PDLIM4: variants seen among roughly 807,000 people sequenced by gnomAD.
The protein encoded by PDLIM4 is PDZ and LIM domain 4, also known as PDZ and LIM domain protein 4.
In PDLIM4, 19 loss-of-function variants were observed where a neutral mutation model predicts 31.3. That is an observed-to-expected ratio of 0.61 (90% CI 0.42 to 0.89). The LOEUF is 0.89. Ranked by LOEUF, PDLIM4 falls within the 40% of genes least tolerant of loss-of-function variation. The pLI, the probability that PDLIM4 is intolerant of heterozygous loss-of-function variation, is 0.00. For synonymous variants in PDLIM4, 176 were observed against 190.1 expected, an observed-to-expected ratio of 0.93 and a Z score of 0.61; for missense variants, 442 against 461.1, an observed-to-expected ratio of 0.96 and a Z score of 0.38.
intron 3 of PDLIM4, among the ~76,000 whole-genome samples, chr5:132,269,214 G>A (rs909238477): frequency 1.3e-5 from 2 of 151,966 alleles, no homozygotes; most frequent in African/African-American, 4.8e-5. Context: ...GACCGTGGGA[G>A]GGGCAGTGGC....
At chr5:132,270,237 CAG>C (rs574233922) in intron 3 of PDLIM4, among the ~76,000 whole-genome samples, 106 of 152,310 alleles carry the variant, frequency 7.0e-4, no homozygotes, top group Non-Finnish European at 1.3e-3. Context: ...GGTAGTGGGG[CAG>C]AGAGCCTTGA....
At chr5:132,259,171 G>A (rs990333120) in intron 1 of PDLIM4, among the ~76,000 whole-genome samples, 21 of 150,222 alleles carry the variant, frequency 1.4e-4, no homozygotes, top group African/African-American at 4.9e-4. Flanking sequence ...GTGTGTGTAC[G>A]CAAGCCTGTG....
chr5:132,262,718 G>A lies in PDLIM4; in HGVS notation c.203G>A (p.Arg68His), dbSNP rs373135879. The change falls in exon 2 of 7, where the codon CGC becomes CAC. Residue 68 changes from arginine (R) to histidine (H), a missense_variant. Coordinates refer to ENST00000253754, the MANE Select transcript of PDLIM4 (RefSeq NM_003687.4). ...ELMTHLEAQN[R>H]IKGCHDHLTL... ...ATGACACACCTGGAGGCACAGAACC[G>A]CATCAAGGGCTGCCACGATCACCTC... 1.1e-5 allele frequency: 18 copies of A among 1,613,490 alleles called. No individual in the cohort carries two copies. The highest frequency in any genetic ancestry group is 5.3e-5 in the African/African-American group (4 of 74,932).
intron 2 of PDLIM4, 152 bp downstream of exon 2, chr5:132,262,912 A>G (rs1756408362): frequency 4.9e-6 from 3 of 615,090 alleles, no homozygotes; most frequent in Non-Finnish European, 8.5e-6. Context: ...TAGCACTTTC[A>G]TGGGGGCCTG....
At chr5:132,267,314 G>A (rs1756512805) in intron 3 of PDLIM4, among the ~76,000 whole-genome samples, 1 of 152,208 alleles carries the variant, frequency 6.6e-6, no homozygotes, top group Non-Finnish European at 1.5e-5. Flanking sequence ...AAAGAAAAGG[G>A]GCCAAGGCAG....
intron 3 of PDLIM4, among the ~76,000 whole-genome samples, chr5:132,269,287 C>T (rs1242044522): frequency 6.6e-6 from 1 of 151,796 alleles, no homozygotes; most frequent in Non-Finnish European, 1.5e-5. Context: ...GGCCTCCTTC[C>T]TCCCAGTCCC....
At chr5:132,266,698 A>G in intron 3 of PDLIM4, 153 bp downstream of exon 3, 2 of 528,788 alleles carry the variant, frequency 3.8e-6, no homozygotes, top group Non-Finnish European at 6.8e-6. Context: ...GACCACATCC[A>G]TACCCCATCC....
Position 132,273,186 on chromosome 5 carries a change from C to T in PDLIM4, c.*957C>T, listed in dbSNP as rs891016158. 2 of 152,370 alleles carry T rather than the reference C, an allele frequency of 1.3e-5. No homozygotes were observed. The highest frequency in any genetic ancestry group is 1.5e-5 in the Non-Finnish European group (1 of 68,016). 9.4% of individuals were successfully genotyped at this position (152,370 alleles called of 1,614,324 possible). ...ACTCCCGAGGATGTGTCCTAGACTC[C>T]GGGTCGCGTGGATCTACCCTCTAGT... On this transcript the variant is annotated 3_prime_UTR_variant, in exon 7 of 7. Coordinates refer to ENST00000253754, the MANE Select transcript of PDLIM4 (RefSeq NM_003687.4).
Position 132,271,776 on chromosome 5 carries a change from C to A in PDLIM4, c.671-15C>A. 1 of 1,560,240 alleles carries A rather than the reference C, an allele frequency of 6.4e-7. No individual in the cohort carries two copies. The highest frequency in any genetic ancestry group is 8.8e-7 in the Non-Finnish European group (1 of 1,131,508). ...CTCCTCACCCCGTTCATGCCACCTACGCTCCGGGTTTCAGGGGATTGGCCC... is the reference window on the plus strand; with the variant it reads ...CTCCTCACCCCGTTCATGCCACCTAAGCTCCGGGTTTCAGGGGATTGGCCC... On this transcript the variant is annotated splice_polypyrimidine_tract_variant and intron_variant, in intron 5 of 6. Transcript: ENST00000253754.
intron 3 of PDLIM4, 56 bp from the exon 4 acceptor site, chr5:132,270,859 C>A: frequency 6.5e-7 from 1 of 1,527,330 alleles, no homozygotes; most frequent in Non-Finnish European, 9.1e-7. Flanking sequence ...GTGGGGTGAA[C>A]AAGGAATGGC....
At chr5:132,260,265 C>T (rs1756344296) in intron 1 of PDLIM4, among the ~76,000 whole-genome samples, 1 of 152,222 alleles carries the variant, frequency 6.6e-6, no homozygotes, top group South Asian at 2.1e-4. Context: ...CATGCCCTCA[C>T]CGCCCACCTG....
rs1476509930 is a variant in PDLIM4, at chr5:132,257,883, C to G, written c.93+56C>G. 2 of 1,052,184 alleles carry G rather than the reference C, an allele frequency of 1.9e-6. No homozygotes were observed. The highest frequency in any genetic ancestry group is 3.0e-5 in the Admixed American group (1 of 32,874). The allele number at this position is 1,052,184 out of a possible 1,614,324, so 65.2% of individuals were successfully genotyped here. A position where few individuals can be genotyped will look rare whatever the true frequency, so the allele number is the denominator to read the frequency against. ...GGTCCCATGTCTGAGACCGGGTTCT[C>G]GCGGTCCGCCCGGGACCCAGATCCC... On this transcript the variant is annotated intron_variant, in intron 1 of 6. Coordinates refer to ENST00000253754, the MANE Select transcript of PDLIM4 (RefSeq NM_003687.4). This position sits in a 1 kb window ranked among gnomAD's most constrained non-coding sequence, Gnocchi z 4.3.
At chr5:132,261,718 C>A (rs552364703) in intron 1 of PDLIM4, among the ~76,000 whole-genome samples, 1 of 152,244 alleles carries the variant, frequency 6.6e-6, no homozygotes, top group South Asian at 2.1e-4. Context: ...CACTGCTTGA[C>A]CCCGAGGGGT....
rs760950952 is a variant in PDLIM4 at position 132,272,250 on chromosome 5, C to A, written c.*21C>A. The A allele has an allele frequency of 2.5e-6, 4 of 1,590,572 alleles. No homozygotes were observed. The highest frequency in any genetic ancestry group is 2.6e-6 in the Non-Finnish European group (3 of 1,159,052). The stretch of plus-strand genomic sequence containing the variant: ...TCTGAGCTGGGACCCTGCTCCCACG[C>A]CTGCTTCTTAAGGTCCCTGCTCGGC... On this transcript the variant is annotated 3_prime_UTR_variant, in exon 7 of 7. Coordinates refer to ENST00000253754, the MANE Select transcript of PDLIM4 (RefSeq NM_003687.4).
chr5:132,261,042 C>T (rs1381615386), intron 1 of PDLIM4, among the ~76,000 whole-genome samples: 1 of 152,214 alleles, frequency 6.6e-6, no homozygotes, highest in African/African-American at 2.4e-5. Flanking sequence ...TCTTTCTCTT[C>T]ATCTGTAAAA....
Position 132,268,432 on chromosome 5 carries a change from G to A in PDLIM4, c.327+1887G>A, listed in dbSNP as rs566634897. On this transcript the variant is annotated intron_variant, in intron 3 of 6. Coordinates refer to ENST00000253754, the MANE Select transcript of PDLIM4 (RefSeq NM_003687.4). Reference sequence around the variant, plus strand: ...CAGTTGGCCCTAGGACCAGCACAAGGTGCCCTGGCACACATCCCCGAGTGG... The same window carrying A: ...CAGTTGGCCCTAGGACCAGCACAAGATGCCCTGGCACACATCCCCGAGTGG... Among the ~76,000 whole-genome samples, 14 of 152,286 alleles carry A rather than the reference G, an allele frequency of 9.2e-5. No homozygotes were observed. In the East Asian group the frequency reaches 2.3e-3, roughly 25 times the overall value.
At chr5:132,260,583 A>G (rs188115624) in intron 1 of PDLIM4, among the ~76,000 whole-genome samples, 5 of 152,084 alleles carry the variant, frequency 3.3e-5, no homozygotes, top group Admixed American at 1.3e-4. Context: ...CTGGAACACT[A>G]TCTCTCCCTC....
chr5:132,263,528 A>G (rs952760770), intron 2 of PDLIM4, among the ~76,000 whole-genome samples: 3 of 152,084 alleles, frequency 2.0e-5, no homozygotes, highest in African/African-American at 7.3e-5. Flanking sequence ...GGGGGGACCC[A>G]GCCTTGCTCA....
chr5:132,259,137 CTGTG>C (rs70974028), intron 1 of PDLIM4, among the ~76,000 whole-genome samples: 7,244 of 146,086 alleles, frequency 0.05, 520 homozygotes, highest in African/African-American at 0.16. Flanking sequence ...AGGATTCCTG[CTGTG>C]TGTGTGTGTG....
Sources: gnomAD v4.1 joint callset for allele counts (sites outside exome capture counted in the v4.1 genomes callset) on GRCh38, gnomAD v4.1.1 for gene constraint, Gnocchi (gnomAD v3.1) non-coding constraint, MANE v1.5 for transcripts, NCBI Gene and HGNC (gene_info 2026-07-23, HGNC 2026-07-21) for gene names.